ROCK2: variants seen among roughly 807,000 people sequenced by gnomAD.
ROCK2 encodes rho-associated protein kinase 2.
In ROCK2, 61 loss-of-function variants were observed where a neutral mutation model predicts 195.1. That is an observed-to-expected ratio of 0.31 (90% CI 0.25 to 0.39). ROCK2 has a LOEUF of 0.39. Ranked by LOEUF, ROCK2 falls within the 10% of genes least tolerant of loss-of-function variation. The pLI is 1.00. For synonymous variants in ROCK2, 504 were observed against 545.5 expected (o/e 0.92, Z 1.06); for missense variants, 1,109 against 1,637.4 (o/e 0.68, Z 5.57).
intron 20 of ROCK2, among the ~76,000 whole-genome samples, chr2:11,203,589 G>A (rs970009869): frequency 3.5e-4 from 54 of 152,194 alleles, no homozygotes; most frequent in African/African-American, 1.3e-3. Flanking sequence ...TTTAACCCTA[G>A]TCTCTTCAGT....
chr2:11,314,495 G>A (rs1378996523), intron 1 of ROCK2, among the ~76,000 whole-genome samples: 1 of 151,820 alleles, frequency 6.6e-6, no homozygotes, highest in Non-Finnish European at 1.5e-5. Context: ...ATATTTACAT[G>A]AATAAGGTTT....
At chr2:11,218,618 G>A (rs991798188) in intron 10 of ROCK2, 152 bp from the exon 11 acceptor site, 18 of 564,158 alleles carry the variant, frequency 3.2e-5, no homozygotes, top group Admixed American at 7.3e-5. Context: ...CATCATTTAT[G>A]TGTATGTGTA....
chr2:11,235,982 G>A lies in ROCK2; in HGVS notation c.463-20C>T. ...AAAAAGCTGGAAAACAAAAGGAAAA[G>A]GAAAAATTTTTAAAAACCCAAACCA... On this transcript the variant is annotated intron_variant, in intron 4 of 32. Transcript: ENST00000315872. This position sits in a 1 kb window ranked among gnomAD's most constrained non-coding sequence, Gnocchi z 4.2. 108 of 1,401,508 alleles carry A rather than the reference G, an allele frequency of 7.7e-5. No homozygotes were observed. The highest frequency in any genetic ancestry group is 5.2e-4 in the East Asian group (20 of 38,584). The allele number at this position is 1,401,508 out of a possible 1,614,324, so 86.8% of individuals were successfully genotyped here.
In ROCK2 at chr2:11,182,199, T is replaced by C. The variant is rs978515880; in HGVS notation, c.*1238A>G. On this transcript the variant is annotated 3_prime_UTR_variant, in exon 33 of 33. Transcript: ENST00000315872. The stretch of plus-strand genomic sequence containing the variant: ...AGGCCACTTCTTCCCAGTTGCCAGT[T>C]TTCTTAACCCGGTACTAAAATACTG... 6.6e-6 allele frequency: 1 copy of C among 152,072 alleles called. No homozygotes were observed. Among genetic ancestry groups the C allele is most frequent in the East Asian group, 1.9e-4 (1 of 5,192 alleles). The allele number at this position is 152,072 out of a possible 1,614,324, so 9.4% of individuals were successfully genotyped here.
intron 8 of ROCK2, 96 bp from the exon 9 acceptor site, chr2:11,221,453 T>A: frequency 1.1e-6 from 1 of 877,508 alleles, no homozygotes; most frequent in Non-Finnish European, 1.6e-6. Context: ...TTAATAACAC[T>A]ATATAAATTT....
rs189176189 is a variant in ROCK2, at chr2:11,286,236, A to C, written c.324+303T>G. 4.7e-5 allele frequency among the ~76,000 whole-genome samples: 7 copies of C among 149,492 alleles called. 2 individuals carry two copies. The East Asian group carries it at 1.4e-3, about 29-fold the overall frequency. On this transcript the variant is annotated intron_variant, in intron 3 of 32. Coordinates refer to ENST00000315872, the MANE Select transcript of ROCK2 (RefSeq NM_004850.5). ...ACATCTAAATAAATCTCAGTTCCTT[A>C]AGCAGATGTTTTTAATCTGAACATT...
chr2:11,258,813 T>A (rs1440218807), intron 3 of ROCK2, among the ~76,000 whole-genome samples: 1 of 150,198 alleles, frequency 6.7e-6, no homozygotes, highest in African/African-American at 2.5e-5. Context: ...TATGTGAAAG[T>A]GTTATGAAGA....
At chr2:11,282,079 A>G (rs1667023600) in intron 3 of ROCK2, among the ~76,000 whole-genome samples, 1 of 152,230 alleles carries the variant, frequency 6.6e-6, no homozygotes, top group Non-Finnish European at 1.5e-5. Flanking sequence ...AGTCAGGTGC[A>G]GTGGCTCGCA....
chr2:11,333,471 G>GT (rs1668830605), intron 1 of ROCK2, among the ~76,000 whole-genome samples: 1 of 151,978 alleles, frequency 6.6e-6, no homozygotes, highest in Non-Finnish European at 1.5e-5. Flanking sequence ...CATTCTTTCT[G>GT]TAACTGTTTT....
intron 3 of ROCK2, among the ~76,000 whole-genome samples, chr2:11,273,960 C>T (rs995433124): frequency 2.1e-5 from 3 of 145,620 alleles, no homozygotes; most frequent in Non-Finnish European, 4.5e-5. Flanking sequence ...GATAAAATAA[C>T]TACAATGAGA....
intron 3 of ROCK2, among the ~76,000 whole-genome samples, chr2:11,255,161 G>T (rs1665980793): frequency 6.8e-6 from 1 of 147,702 alleles, no homozygotes; most frequent in Non-Finnish European, 1.5e-5. Flanking sequence ...AGCTTGCAGT[G>T]AGCGGAGATT....
At chr2:11,284,385 TA>T (rs1667115035) in intron 3 of ROCK2, among the ~76,000 whole-genome samples, 1 of 152,160 alleles carries the variant, frequency 6.6e-6, no homozygotes. Flanking sequence ...AGCCCTAATG[TA>T]AACTATGACA....
At chr2:11,338,852 T>C (rs1188146914) in intron 1 of ROCK2, among the ~76,000 whole-genome samples, 2 of 151,638 alleles carry the variant, frequency 1.3e-5, no homozygotes, top group African/African-American at 2.4e-5. Flanking sequence ...CACAGAAAAG[T>C]ATATACTATA....
At chr2:11,254,214 C>G (rs542137014) in intron 3 of ROCK2, among the ~76,000 whole-genome samples, 1 of 152,128 alleles carries the variant, frequency 6.6e-6, no homozygotes, top group South Asian at 2.1e-4. Flanking sequence ...ACAAGGCAAC[C>G]GTATTCAGGT....
intron 3 of ROCK2, among the ~76,000 whole-genome samples, chr2:11,258,272 T>C (rs1304506894): frequency 6.6e-6 from 1 of 151,358 alleles, no homozygotes; most frequent in Non-Finnish European, 1.5e-5. Context: ...GAATTCCAAA[T>C]ACTCTAGAGC....
At chr2:11,239,210 T>C (rs1665337691) in intron 4 of ROCK2, among the ~76,000 whole-genome samples, 1 of 152,090 alleles carries the variant, frequency 6.6e-6, no homozygotes, top group Non-Finnish European at 1.5e-5. Context: ...AAAAAACTGA[T>C]ACATGGTATT....
chr2:11,282,607 C>CAAAAAAAAAAAAAAA lies in ROCK2; in HGVS notation c.324+3931_324+3932insTTTTTTTTTTTTTTT, dbSNP rs70953381. Among the ~76,000 whole-genome samples the CAAAAAAAAAAAAAAA allele has an allele frequency of 8.8e-4, 108 of 123,280 alleles. 2 individuals are homozygous for CAAAAAAAAAAAAAAA. Among genetic ancestry groups the CAAAAAAAAAAAAAAA allele is most frequent in the African/African-American group, 1.8e-3 (56 of 30,308 alleles). The allele number at this position is 123,280 out of a possible 152,430, so 80.9% of individuals were successfully genotyped here. On this transcript the variant is annotated intron_variant, in intron 3 of 32. Transcript: ENST00000315872. The stretch of plus-strand genomic sequence containing the variant: ...GCTGGAATAACTGAATATCTACATG[C>CAAAAAAAAAAAAAAA]AAAAAAAAAAAAAAGAATCAAGACC...
chr2:11,293,244 T>C (rs1667415208), intron 1 of ROCK2, among the ~76,000 whole-genome samples: 1 of 152,204 alleles, frequency 6.6e-6, no homozygotes, highest in African/African-American at 2.4e-5. Context: ...CTAAGTCAAC[T>C]TAATTGAGGA....
chr2:11,341,872 G>C (rs576981893), intron 1 of ROCK2, among the ~76,000 whole-genome samples: 20 of 152,188 alleles, frequency 1.3e-4, no homozygotes, highest in African/African-American at 3.6e-4. Flanking sequence ...TTAATTTACA[G>C]TTTCAGTTTG....
Sources: allele counts gnomAD v4.1 joint callset (sites outside exome capture counted in the v4.1 genomes callset), GRCh38; gene constraint gnomAD v4.1.1; non-coding constraint Gnocchi (gnomAD v3.1); transcripts MANE v1.5; gene names NCBI Gene and HGNC (gene_info 2026-07-23, HGNC 2026-07-21).